DYNC1LI1: variants seen among roughly 807,000 people sequenced by gnomAD.
DYNC1LI1 encodes the protein dynein cytoplasmic 1 light intermediate chain 1.
In DYNC1LI1, 19 loss-of-function variants were observed where a neutral mutation model predicts 63.8. The ratio of observed to expected loss-of-function variants is 0.30; its 90% confidence interval spans 0.21 to 0.44. The LOEUF (loss-of-function observed/expected upper bound fraction) is 0.44. Ranked by LOEUF, DYNC1LI1 falls within the 20% of genes least tolerant of loss-of-function variation. The pLI is 1.00. For synonymous variants in DYNC1LI1, 225 were observed against 232.3 expected (o/e 0.97, Z 0.28); for missense variants, 565 against 630.2 (o/e 0.90, Z 1.11).
intron 8 of DYNC1LI1, 115 bp downstream of exon 8, chr3:32,532,871 A>G: frequency 7.2e-7 from 1 of 1,380,534 alleles, no homozygotes; most frequent in Non-Finnish European, 9.3e-7. Context: ...TATACTTAGA[A>G]ACCCTCCAGA....
At chr3:32,557,125 T>G (rs1264902927) in intron 2 of DYNC1LI1, among the ~76,000 whole-genome samples, 1 of 152,162 alleles carries the variant, frequency 6.6e-6, no homozygotes, top group Non-Finnish European at 1.5e-5. Context: ...TACTAAAAAC[T>G]CCATCATGAA....
chr3:32,561,031 AAAC>A (rs1272003536), intron 2 of DYNC1LI1, among the ~76,000 whole-genome samples: 1 of 123,366 alleles, frequency 8.1e-6, no homozygotes, highest in Non-Finnish European at 1.7e-5. Flanking sequence ...AAAAAAAAAA[AAAC>A]AAACAAAAAA....
chr3:32,546,494 C>T (rs1697954804), intron 2 of DYNC1LI1, among the ~76,000 whole-genome samples: 1 of 152,162 alleles, frequency 6.6e-6, no homozygotes, highest in Non-Finnish European at 1.5e-5. Flanking sequence ...TATCCTATTG[C>T]AAATGACTTC....
chr3:32,541,293 G>C, intron 4 of DYNC1LI1, 87 bp from the exon 5 acceptor site: 1 of 843,176 alleles, frequency 1.2e-6, no homozygotes, highest in Non-Finnish European at 1.8e-6. Flanking sequence ...AAATTTACTC[G>C]AATTTATACT....
At chr3:32,570,249 G>C (rs1698326473) in intron 2 of DYNC1LI1, 97 bp downstream of exon 2, 2 of 1,011,212 alleles carry the variant, frequency 2.0e-6, no homozygotes, top group East Asian at 2.7e-5. Flanking sequence ...GGCTGGGCCG[G>C]CTGTCCGCAC....
At chr3:32,553,052 C>T (rs1698066125) in intron 2 of DYNC1LI1, among the ~76,000 whole-genome samples, 1 of 152,128 alleles carries the variant, frequency 6.6e-6, no homozygotes, top group Admixed American at 6.5e-5. Context: ...TTGTCTCAAA[C>T]AACAAAAAGC....
intron 2 of DYNC1LI1, among the ~76,000 whole-genome samples, chr3:32,569,196 G>A (rs1698308179): frequency 6.6e-6 from 1 of 152,112 alleles, no homozygotes; most frequent in Non-Finnish European, 1.5e-5. Flanking sequence ...AGATCCTAGG[G>A]CTTATATGTG....
intron 8 of DYNC1LI1, 61 bp downstream of exon 8, chr3:32,532,925 T>G: frequency 6.8e-7 from 1 of 1,470,866 alleles, no homozygotes; most frequent in Non-Finnish European, 8.9e-7. Context: ...TTTTAAAGTA[T>G]GGAATTCCCC....
At chr3:32,566,533 G>C (rs1283528334) in intron 2 of DYNC1LI1, 2 of 215,312 alleles carry the variant, frequency 9.3e-6, no homozygotes, top group Non-Finnish European at 1.9e-5. Context: ...CTGAGGTCAG[G>C]AGTTCGAGAC....
chr3:32,562,014 C>A (rs2125445440), intron 2 of DYNC1LI1, among the ~76,000 whole-genome samples: 1 of 152,078 alleles, frequency 6.6e-6, no homozygotes, highest in East Asian at 1.9e-4. Flanking sequence ...GACGCTCATA[C>A]CTATAACCCT....
chr3:32,536,156 C>G (rs1559435533), intron 6 of DYNC1LI1, among the ~76,000 whole-genome samples: 1 of 152,164 alleles, frequency 6.6e-6, no homozygotes, highest in Non-Finnish European at 1.5e-5. Context: ...TTCAGGCTTT[C>G]TTTAAGTGGT....
In DYNC1LI1 at chr3:32,528,621, C is replaced by T. The variant is rs1559433153; in HGVS notation, c.1307-20G>A. 1 of 1,583,530 alleles carries T rather than the reference C, an allele frequency of 6.3e-7. No individual in the cohort carries two copies. Among genetic ancestry groups the T allele is most frequent in the South Asian group, 1.2e-5 (1 of 85,428 alleles). ...CTCCAGCTATAAAAAAATAAAAAAACAAAAAGCTTTAGCCAAAACATAAGA... is the reference window on the plus strand; with the variant it reads ...CTCCAGCTATAAAAAAATAAAAAAATAAAAAGCTTTAGCCAAAACATAAGA... On this transcript the variant is annotated intron_variant, in intron 11 of 12. Transcript: ENST00000273130.
At chr3:32,527,467 G>T (rs9863538) in intron 12 of DYNC1LI1, among the ~76,000 whole-genome samples, 6,099 of 151,868 alleles carry the variant, frequency 0.04, 435 homozygotes, top group African/African-American at 0.14. Flanking sequence ...CAACAAAAAT[G>T]TAGCATCTAG....
At chr3:32,553,918 T>C (rs558930132) in intron 2 of DYNC1LI1, among the ~76,000 whole-genome samples, 8 of 152,328 alleles carry the variant, frequency 5.3e-5, no homozygotes, top group Admixed American at 4.6e-4. Context: ...AAAGCAAGAC[T>C]GTTTGGGAGC....
At chr3:32,538,593 C>T (rs1427942614) in intron 5 of DYNC1LI1, among the ~76,000 whole-genome samples, 7 of 151,648 alleles carry the variant, frequency 4.6e-5, no homozygotes, top group Non-Finnish European at 1.0e-4. Flanking sequence ...CCCAGCTACT[C>T]GGGAGGCTGA....
intron 2 of DYNC1LI1, among the ~76,000 whole-genome samples, chr3:32,555,178 G>C (rs1698096106): frequency 6.6e-6 from 1 of 152,112 alleles, no homozygotes; most frequent in Admixed American, 6.6e-5. Context: ...CCTGGTAATT[G>C]AAAATTGAAC....
Position 32,570,434 on chromosome 3 carries a change from G to A in DYNC1LI1, c.147-15C>T, listed in dbSNP as rs758401379. On this transcript the variant is annotated splice_polypyrimidine_tract_variant and intron_variant, in intron 1 of 12. Transcript: ENST00000273130. Reference sequence around the variant, plus strand: ...GGATGCAGGACCTAACGGGAAGCAAGGCGTACGGTGAGGCCGGAGGCCGGA... The same window carrying A: ...GGATGCAGGACCTAACGGGAAGCAAAGCGTACGGTGAGGCCGGAGGCCGGA... 1.4e-5 allele frequency: 22 copies of A among 1,587,820 alleles called. No homozygotes were observed. Among genetic ancestry groups the A allele is most frequent in the Middle Eastern group, 4.4e-4 (2 of 4,558 alleles).
chr3:32,551,753 T>C (rs945118571), intron 2 of DYNC1LI1, among the ~76,000 whole-genome samples: 20 of 152,218 alleles, frequency 1.3e-4, no homozygotes, highest in Admixed American at 8.5e-4. Context: ...TGCCTGGCTA[T>C]AACTTCAGAA....
Position 32,545,728 on chromosome 3 carries a change from C to A in DYNC1LI1, c.337+121G>T, listed in dbSNP as rs529230592. ...ATGGCTAAACATAGCTATTTCTTGACCAGCATGACATCACAGAACTTCTAG... is the reference window on the plus strand; with the variant it reads ...ATGGCTAAACATAGCTATTTCTTGAACAGCATGACATCACAGAACTTCTAG... On this transcript the variant is annotated intron_variant, in intron 3 of 12. Coordinates refer to ENST00000273130, the MANE Select transcript of DYNC1LI1 (RefSeq NM_016141.4). 2.3e-4 allele frequency: 173 copies of A among 746,210 alleles called. 2 individuals are homozygous for A. In the African/African-American group the frequency reaches 2.6e-3, roughly 11 times the overall value. The allele number at this position is 746,210 out of a possible 1,614,324, so 46.2% of individuals were successfully genotyped here. A position where few individuals can be genotyped will look rare whatever the true frequency, so the allele number is the denominator to read the frequency against.
Sources: gnomAD v4.1 joint callset for allele counts (sites outside exome capture counted in the v4.1 genomes callset) on GRCh38, gnomAD v4.1.1 for gene constraint, MANE v1.5 for transcripts, NCBI Gene and HGNC (gene_info 2026-07-23, HGNC 2026-07-21) for gene names.